Variants in TIAM2 observed in about 807,000 individuals in gnomAD.
TIAM2 encodes the protein rho guanine nucleotide exchange factor TIAM2.
A neutral mutation model predicts 152.9 loss-of-function variants in TIAM2; 80 were observed. The ratio of observed to expected loss-of-function variants is 0.52; its 90% CI spans 0.44 to 0.63. The LOEUF (loss-of-function observed/expected upper bound fraction) is 0.63. Ranked by LOEUF, TIAM2 falls within the 30% of genes least tolerant of loss-of-function variation. TIAM2 has a pLI of 0.00. For missense variants in TIAM2, 1,965 were observed against 2,120.1 expected, an observed-to-expected ratio of 0.93 and a Z score of 1.44; for synonymous variants, 804 against 838.0, an observed-to-expected ratio of 0.96 and a Z score of 0.70.
At chr6:155,216,286 G>C (rs1781859505) in intron 15 of TIAM2, among the ~76,000 whole-genome samples, 1 of 152,098 alleles carries the variant, frequency 6.6e-6, no homozygotes. Flanking sequence ...TAGCCCAACT[G>C]GTCTTCTCAG....
intron 2 of TIAM2, among the ~76,000 whole-genome samples, chr6:155,118,596 C>A (rs1779072524): frequency 6.6e-6 from 1 of 151,856 alleles, no homozygotes; most frequent in Non-Finnish European, 1.5e-5. Flanking sequence ...CCACACCCAG[C>A]TAATTTTTGT....
At chr6:155,113,172 C>A (rs1778899670) in intron 2 of TIAM2, among the ~76,000 whole-genome samples, 1 of 152,154 alleles carries the variant, frequency 6.6e-6, no homozygotes, top group Non-Finnish European at 1.5e-5. Flanking sequence ...GCCCTTCTTC[C>A]CCTCGCTTGC....
chr6:155,214,719 T>C lies in TIAM2; in HGVS notation c.3168+3412T>C, dbSNP rs1220479636. Among the ~76,000 whole-genome samples the C allele has an allele frequency of 6.6e-6, 1 of 152,216 alleles. No individual in the cohort carries two copies. Among genetic ancestry groups the C allele is most frequent in the East Asian group, 1.9e-4 (1 of 5,206 alleles). On this transcript the variant is annotated intron_variant, in intron 15 of 26. Transcript: ENST00000682666. The surrounding 1 kb of genome is among the most constrained non-coding windows in gnomAD (Gnocchi z 5.4). ...TTTGGGAACCCAATATCATATCTAA[T>C]GTTCATTAGCTTTTTAATGAAGCAG...
chr6:155,251,580 CCT>C (rs753937241), intron 22 of TIAM2, among the ~76,000 whole-genome samples: 2 of 152,174 alleles, frequency 1.3e-5, no homozygotes, highest in African/African-American at 2.4e-5. Context: ...AGCCACCGTG[CCT>C]GGCCAGAAAC....
intron 14 of TIAM2, among the ~76,000 whole-genome samples, chr6:155,210,675 G>C (rs1406435098): frequency 6.6e-6 from 1 of 152,112 alleles, no homozygotes; most frequent in Non-Finnish European, 1.5e-5. Flanking sequence ...AGTTAATAAG[G>C]GTTTACTGAT....
At position 155,089,943 on chromosome 6, in the gene TIAM2, CGTCA is replaced by C. The variant is rs566587895; in HGVS notation, c.-208-342_-208-339del. Among the ~76,000 whole-genome samples the C allele has an allele frequency of 2.4e-4, 36 of 152,150 alleles. 1 individual carries two copies. The highest frequency in any genetic ancestry group is 2.1e-3 in the Admixed American group (32 of 15,264). Reference sequence around the variant, plus strand: ...TCATCCATCCATCCATCTGTCCGTCCGTCAGTCTGTCTGTCCATCCATCCATCTA... The same window carrying C: ...TCATCCATCCATCCATCTGTCCGTCCGTCTGTCTGTCCATCCATCCATCTA... On this transcript the variant is annotated intron_variant, in intron 1 of 26. Transcript: ENST00000682666.
At chr6:155,221,012 T>C (rs372181449) in intron 15 of TIAM2, among the ~76,000 whole-genome samples, 7 of 152,028 alleles carry the variant, frequency 4.6e-5, no homozygotes, top group Non-Finnish European at 1.0e-4. Flanking sequence ...CATGTGGTGT[T>C]TGGTTCTTTC....
rs78522762 is a variant in TIAM2, at chr6:155,127,514, G to A, written c.-93G>A. ...GGCTCACTTCATGGACTCACTTTGC[G>A]TGCTTGTTAAATGTGCTGTGTTGCT... On this transcript the variant is annotated 5_prime_UTR_variant, in exon 3 of 27. In the 5' UTR this introduces an upstream ATG that the reference lacks. Coordinates refer to ENST00000682666, the MANE Select transcript of TIAM2 (RefSeq NM_012454.4). 0.013 allele frequency: 6,100 copies of A among 453,628 alleles called. 57 individuals are homozygous for A. The highest frequency in any genetic ancestry group is 0.019 in the Non-Finnish European group (4,346 of 226,264). 28.1% of individuals were successfully genotyped at this position (453,628 alleles called of 1,614,324 possible).
At chr6:155,084,928 C>T (rs1444984462) in intron 1 of TIAM2, among the ~76,000 whole-genome samples, 1 of 152,108 alleles carries the variant, frequency 6.6e-6, no homozygotes, top group Non-Finnish European at 1.5e-5. Flanking sequence ...TGTAGTCTTA[C>T]CTAATGCCTT....
chr6:155,121,082 C>G (rs1430796852), intron 2 of TIAM2, among the ~76,000 whole-genome samples: 1 of 151,682 alleles, frequency 6.6e-6, no homozygotes, highest in Non-Finnish European at 1.5e-5. Flanking sequence ...AATGCTAAAA[C>G]CTAGAAGATT....
In TIAM2 at chr6:155,256,496, CTT is replaced by C; in HGVS notation, c.4483_4484del (p.Leu1495LysfsTer14). 1 of 1,614,158 alleles carries C rather than the reference CTT, an allele frequency of 6.2e-7. No individual in the cohort carries two copies. The highest frequency in any genetic ancestry group is 2.2e-5 in the East Asian group (1 of 44,882). ...TTTCTCACTGTAGCTTCATCCAGGT[CTT>C]TAAAAGTCCTGAAGAATTCCTCCAG... On this transcript the variant is annotated frameshift_variant, in exon 27 of 27. Transcript: ENST00000682666. LOFTEE classifies it low-confidence loss of function (END_TRUNC).
chr6:155,136,091 G>A (rs1779546996), intron 4 of TIAM2, among the ~76,000 whole-genome samples: 1 of 150,984 alleles, frequency 6.6e-6, no homozygotes, highest in Non-Finnish European at 1.5e-5. Context: ...ATACTTGGGA[G>A]GCCGAGGCAG....
intron 1 of TIAM2, among the ~76,000 whole-genome samples, chr6:155,008,779 A>G (rs916613248): frequency 2.0e-5 from 3 of 152,120 alleles, no homozygotes; most frequent in South Asian, 4.1e-4. Flanking sequence ...ACCCTTTTGG[A>G]TGTGGATGTT....
chr6:155,196,413 G>C (rs1291990664), intron 14 of TIAM2, among the ~76,000 whole-genome samples: 1 of 152,016 alleles, frequency 6.6e-6, no homozygotes, highest in Non-Finnish European at 1.5e-5. Context: ...TTCCATAAGA[G>C]GTATCAAAAT....
chr6:155,195,794 C>T (rs1781329218), intron 14 of TIAM2, among the ~76,000 whole-genome samples: 1 of 152,142 alleles, frequency 6.6e-6, no homozygotes, highest in South Asian at 2.1e-4. Flanking sequence ...GCCACGTGGC[C>T]GTCAGGGGGC....
intron 1 of TIAM2, among the ~76,000 whole-genome samples, chr6:155,007,517 T>A (rs1778422040): frequency 6.6e-6 from 1 of 151,950 alleles, no homozygotes; most frequent in African/African-American, 2.4e-5. Flanking sequence ...AAGGAAAACA[T>A]CTGGTTTCTA....
At chr6:155,063,955 G>T (rs571344376) in intron 1 of TIAM2, among the ~76,000 whole-genome samples, 67 of 152,216 alleles carry the variant, frequency 4.4e-4, no homozygotes, top group African/African-American at 1.4e-3. Context: ...TAGCATGAAA[G>T]GATGGATAGA....
In TIAM2 at chr6:155,156,092, G is replaced by A. The variant is rs1317388727; in HGVS notation, c.2028+7758G>A. Among the ~76,000 whole-genome samples, 1 of 152,210 alleles carries A rather than the reference G, an allele frequency of 6.6e-6. No homozygotes were observed. On this transcript the variant is annotated intron_variant, in intron 7 of 26. Coordinates refer to ENST00000682666, the MANE Select transcript of TIAM2 (RefSeq NM_012454.4). This position sits in a 1 kb window ranked among gnomAD's most constrained non-coding sequence, Gnocchi z 4.4. ...GTGGAAGACAGAAATGGGAAATATA[G>A]CCTCATGTGCAGTCATGGAAGACCC...
rs559307371 is a variant in TIAM2, at chr6:155,070,209, C to CTTTTTTTTTTT, written c.-208-20061_-208-20051dup. Among the ~76,000 whole-genome samples, 24 of 44,146 alleles carry CTTTTTTTTTTT rather than the reference C, an allele frequency of 5.4e-4. 4 individuals are homozygous for CTTTTTTTTTTT. Among genetic ancestry groups the CTTTTTTTTTTT allele is most frequent in the African/African-American group, 2.8e-3 (23 of 8,322 alleles). 29.0% of individuals were successfully genotyped at this position (44,146 alleles called of 152,430 possible). On this transcript the variant is annotated intron_variant, in intron 1 of 26. Transcript: ENST00000682666. Reference sequence around the variant, plus strand: ...GTATGAGCCACCGCGCCTGGCCAGACTTTTTTTTTTTTTTTTTTTTTTTTT... The same window carrying CTTTTTTTTTTT: ...GTATGAGCCACCGCGCCTGGCCAGACTTTTTTTTTTTTTTTTTTTTTTTTTTTTTTTTTTTT...
Sources: allele counts gnomAD v4.1 joint callset (sites outside exome capture counted in the v4.1 genomes callset), GRCh38; gene constraint gnomAD v4.1.1; non-coding constraint Gnocchi (gnomAD v3.1); transcripts MANE v1.5; gene names NCBI Gene and HGNC (gene_info 2026-07-23, HGNC 2026-07-21).